Variants in DCTN5 observed in about 807,000 individuals in gnomAD.
DCTN5 encodes dynactin subunit 5, also known as dynactin 4.
Under a neutral mutation model 23.5 loss-of-function variants are expected in DCTN5, and 14 were observed. That is an observed-to-expected ratio of 0.60 (90% CI 0.39 to 0.93). The LOEUF is 0.93. Among genes scored for constraint, DCTN5 ranks in the 40% least tolerant of loss-of-function variants. DCTN5 has a pLI of 0.00. For synonymous variants in DCTN5, 67 were observed against 79.6 expected (o/e 0.84, Z 0.84); for missense variants, 156 against 225.9 (o/e 0.69, Z 1.98).
intron 2 of DCTN5, among the ~76,000 whole-genome samples, chr16:23,647,961 A>G (rs1212632668): frequency 1.3e-5 from 2 of 152,214 alleles, no homozygotes; most frequent in Non-Finnish European, 1.5e-5. Context: ...TACAATAAGT[A>G]CTATTTTTAT....
intron 2 of DCTN5, among the ~76,000 whole-genome samples, chr16:23,644,294 A>ATTTTTTT (rs534821955): frequency 1.0e-5 from 1 of 97,350 alleles, no homozygotes; most frequent in Non-Finnish European, 2.0e-5. Context: ...TGCCCACCTA[A>ATTTTTTT]TTTTTTTTTT....
chr16:23,656,342 C>T (rs1967703428), intron 2 of DCTN5, among the ~76,000 whole-genome samples: 1 of 152,234 alleles, frequency 6.6e-6, no homozygotes, highest in African/African-American at 2.4e-5. Context: ...CCCAGTATCT[C>T]AGGATATCTT....
At chr16:23,664,521 G>T (rs868829940) in intron 4 of DCTN5, among the ~76,000 whole-genome samples, 8 of 152,314 alleles carry the variant, frequency 5.3e-5, no homozygotes, top group Middle Eastern at 3.4e-3. Flanking sequence ...TTTTCTGATT[G>T]TCTAGCCAGG....
rs528424379 is a variant in DCTN5, at chr16:23,650,480, A to ATTT, written c.117+7472_117+7474dup. Among the ~76,000 whole-genome samples, 128 of 133,920 alleles carry ATTT rather than the reference A, an allele frequency of 9.6e-4. 1 individual carries two copies. The highest frequency in any genetic ancestry group is 3.1e-3 in the African/African-American group (111 of 35,968). The allele number at this position is 133,920 out of a possible 152,430, so 87.9% of individuals were successfully genotyped here. A position where few individuals can be genotyped will look rare whatever the true frequency, so the allele number is the denominator to read the frequency against. On this transcript the variant is annotated intron_variant, in intron 2 of 5. Coordinates refer to ENST00000300087, the MANE Select transcript of DCTN5 (RefSeq NM_032486.4). The stretch of plus-strand genomic sequence containing the variant: ...CTCTTCCTCCCACCACACCTGGCTA[A>ATTT]TTTTTTTTTTTTTTTTTGTATTTTT...
At chr16:23,651,222 TCTTTG>T (rs1967598896) in intron 2 of DCTN5, 2 of 1,018,432 alleles carry the variant, frequency 2.0e-6, no homozygotes, top group Non-Finnish European at 2.4e-6. Context: ...TTCAGTGAAC[TCTTTG>T]CTTTGCTTCT....
intron 3 of DCTN5, 36 bp from the exon 4 acceptor site, chr16:23,661,134 T>A: frequency 6.8e-7 from 1 of 1,476,768 alleles, no homozygotes; most frequent in Non-Finnish European, 9.5e-7. Context: ...TACATCATCT[T>A]GACCTTTCTG....
At chr16:23,651,896 G>C (rs1333692920) in intron 2 of DCTN5, among the ~76,000 whole-genome samples, 1 of 152,136 alleles carries the variant, frequency 6.6e-6, no homozygotes, top group African/African-American at 2.4e-5. Context: ...TTAGCCTAGT[G>C]TGATGGCATG....
chr16:23,665,866 A>G, intron 5 of DCTN5, 138 bp downstream of exon 5: 2 of 680,296 alleles, frequency 2.9e-6, no homozygotes, highest in Non-Finnish European at 4.9e-6. Context: ...TGTACAAAGT[A>G]CCTAGAAATG....
At chr16:23,654,987 C>T (rs1010915195) in intron 2 of DCTN5, among the ~76,000 whole-genome samples, 5 of 152,200 alleles carry the variant, frequency 3.3e-5, no homozygotes, top group Admixed American at 2.0e-4. Flanking sequence ...ACATTTTCTT[C>T]ACTTGATCTT....
chr16:23,677,124 C>A lies in DCTN5; in HGVS notation c.*9980C>A, dbSNP rs921307540. ...GGAGAGGACTGTGGGAGGCTTACAC[C>A]TGGTTTCCCTGGACTTTGTCCATGC... is the stretch of plus-strand genomic sequence containing the variant. On this transcript the variant is annotated 3_prime_UTR_variant, in exon 6 of 6. Coordinates refer to ENST00000300087, the MANE Select transcript of DCTN5 (RefSeq NM_032486.4). 1 of 152,248 alleles carries A rather than the reference C, an allele frequency of 6.6e-6. No individual in the cohort carries two copies. Among genetic ancestry groups the A allele is most frequent in the Non-Finnish European group, 1.5e-5 (1 of 68,072 alleles). 9.4% of individuals were successfully genotyped at this position (152,248 alleles called of 1,614,324 possible).
In DCTN5 at chr16:23,651,753, G is replaced by A. The variant is rs79252667; in HGVS notation, c.118-6754G>A. 3.8e-3 allele frequency among the ~76,000 whole-genome samples: 584 copies of A among 152,298 alleles called. 6 individuals carry two copies. Among genetic ancestry groups the A allele is most frequent in the African/African-American group, 0.013 (558 of 41,568 alleles). ...TTTGAAAACCAAAGTGGCTGGGCAC[G>A]GTGGCTCATGCCTATAATCCCAGCA... On this transcript the variant is annotated intron_variant, in intron 2 of 5. Transcript: ENST00000300087.
At chr16:23,650,931 T>C in intron 2 of DCTN5, 2 of 1,416,416 alleles carry the variant, frequency 1.4e-6, no homozygotes, top group Non-Finnish European at 1.9e-6. Context: ...TGTGTGGGAA[T>C]ACAGGCCCAC....
intron 2 of DCTN5, among the ~76,000 whole-genome samples, chr16:23,648,374 C>T (rs1967521136): frequency 7.8e-6 from 1 of 128,264 alleles, no homozygotes; most frequent in Non-Finnish European, 1.6e-5. Flanking sequence ...TTTAGAGACA[C>T]AGTCTCGCTG....
rs1567237303 is a variant in DCTN5 at position 23,675,475 on chromosome 16, G to A, written c.*8331G>A. On this transcript the variant is annotated 3_prime_UTR_variant, in exon 6 of 6. Transcript: ENST00000300087. ...AAATCGTGCCACCGCACTCTAGCCT[G>A]GGCAACAGAGCCAGACCATATCTCA... The A allele has an allele frequency of 2.0e-5, 3 of 148,864 alleles. No individual in the cohort carries two copies. The South Asian group carries it at 6.4e-4, about 32-fold the overall frequency. The allele number at this position is 148,864 out of a possible 1,614,324, so 9.2% of individuals were successfully genotyped here.
At chr16:23,650,928 G>GCCTGT in intron 2 of DCTN5, 2 of 1,412,204 alleles carry the variant, frequency 1.4e-6, no homozygotes, top group Non-Finnish European at 1.9e-6. Flanking sequence ...TACTGTGTGG[G>GCCTGT]AATACAGGCC....
At chr16:23,644,627 G>T (rs1045762254) in intron 2 of DCTN5, among the ~76,000 whole-genome samples, 1 of 151,264 alleles carries the variant, frequency 6.6e-6, no homozygotes, top group East Asian at 2.0e-4. Flanking sequence ...GTAGAGACAG[G>T]GTTTCACCAT....
rs1365530848 is a variant in DCTN5 at position 23,648,362 on chromosome 16, T to G, written c.117+5339T>G. Among the ~76,000 whole-genome samples, 235 of 148,232 alleles carry G rather than the reference T, an allele frequency of 1.6e-3. 1 individual carries two copies. Among genetic ancestry groups the G allele is most frequent in the African/African-American group, 4.7e-3 (190 of 40,382 alleles). ...CTTTTTTCTTTTTTTTTTTTTTTTT[T>G]TTTTAGAGACACAGTCTCGCTGTGT... On this transcript the variant is annotated intron_variant, in intron 2 of 5. Transcript: ENST00000300087.
chr16:23,642,992 G>T lies in DCTN5; in HGVS notation c.86G>T (p.Cys29Phe). 6.2e-7 allele frequency: 1 copy of T among 1,614,134 alleles called. No homozygotes were observed. Among genetic ancestry groups the T allele is most frequent in the Non-Finnish European group, 8.5e-7 (1 of 1,180,012 alleles). Residue 29 changes from cysteine (C) to phenylalanine (F), a missense_variant, in exon 2 of 6, where the codon TGT (cysteine) becomes TTT (phenylalanine). By Grantham distance (205) the Cys-to-Phe change is radical. Coordinates refer to ENST00000300087, the MANE Select transcript of DCTN5 (RefSeq NM_032486.4). ...AAAGTCAGTCGCCAGTCAGTGTTGT[G>T]TGGAAGCCAGAACATCGTTCTCAAT... Reference protein sequence around the residue: ...GNKVSRQSVLCGSQNIVLNGK... With the variant: ...GNKVSRQSVLFGSQNIVLNGK...
rs1967961034 is a variant in DCTN5 at position 23,669,195 on chromosome 16, A to G, written c.*2051A>G. 6.6e-6 allele frequency: 1 copy of G among 152,508 alleles called. No homozygotes were observed. The highest frequency in any genetic ancestry group is 1.5e-5 in the Non-Finnish European group (1 of 68,040). The allele number at this position is 152,508 out of a possible 1,614,324, so 9.4% of individuals were successfully genotyped here. A position where few individuals can be genotyped will look rare whatever the true frequency, so the allele number is the denominator to read the frequency against. On this transcript the variant is annotated 3_prime_UTR_variant, in exon 6 of 6. Coordinates refer to ENST00000300087, the MANE Select transcript of DCTN5 (RefSeq NM_032486.4). ...TTGTCCTCAAAATACTTCCAGAAGAACAACCAGATGGGAAGGACCTTGGTT... is the reference window on the plus strand; with the variant it reads ...TTGTCCTCAAAATACTTCCAGAAGAGCAACCAGATGGGAAGGACCTTGGTT...
Sources: gnomAD v4.1 joint callset for allele counts (sites outside exome capture counted in the v4.1 genomes callset) on GRCh38, gnomAD v4.1.1 for gene constraint, MANE v1.5 for transcripts, NCBI Gene and HGNC (gene_info 2026-07-23, HGNC 2026-07-21) for gene names.